Variants in ZFX observed in about 807,000 individuals in gnomAD.
ZFX encodes zinc finger protein X-linked, also known as zinc finger X-chromosomal protein.
For missense variants in ZFX, 362 were observed against 628.3 expected, an observed-to-expected ratio of 0.58 and a Z score of 4.53; for synonymous variants, 196 against 226.8, an observed-to-expected ratio of 0.86 and a Z score of 1.22.
chrX:24,203,493 G>A (rs1490748025), intron 5 of ZFX, among the ~76,000 whole-genome samples: 2 of 112,362 alleles, frequency 1.8e-5, no homozygotes, highest in Non-Finnish European at 1.9e-5. Flanking sequence ...TCCCAGCGCT[G>A]CAGATTCTAA....
chrX:24,208,406 T>C (rs767451372), intron 8 of ZFX, 36 bp downstream of exon 8: 1 of 1,194,148 alleles, frequency 8.4e-7, no homozygotes. Flanking sequence ...TTGAAGAAGT[T>C]GGTTCTTAAA....
At chrX:24,181,472 A>G (rs1469627505) in intron 5 of ZFX, among the ~76,000 whole-genome samples, 1 of 111,828 alleles carries the variant, frequency 8.9e-6, no homozygotes, top group Admixed American at 9.6e-5. Context: ...TACAGGATGA[A>G]GGGCACGGGT....
At chrX:24,175,859 G>A (rs1330816291) in intron 4 of ZFX, among the ~76,000 whole-genome samples, 2 of 110,510 alleles carry the variant, frequency 1.8e-5, no homozygotes, top group Non-Finnish European at 3.8e-5. Context: ...GATTACAGGC[G>A]TGAGCCACCG....
intron 5 of ZFX, among the ~76,000 whole-genome samples, chrX:24,186,271 G>GT (rs1236950500): frequency 9.0e-6 from 1 of 111,161 alleles, no homozygotes; most frequent in East Asian, 2.8e-4. Flanking sequence ...CTTTTACAAT[G>GT]TCTTTAGTAT....
chrX:24,163,220 GGTGTGT>G (rs57212971), intron 3 of ZFX, among the ~76,000 whole-genome samples: 2 of 86,442 alleles, frequency 2.3e-5, no homozygotes, highest in Admixed American at 1.4e-4. Context: ...CAAGGTCTGT[GGTGTGT>G]GTGTGTGTGT....
At position 24,172,820 on chromosome X, in the gene ZFX, TC is replaced by T. The variant is rs1280693833; in HGVS notation, c.58+22del. ...CAACAGGTATAACTACTTGAATTGT[TC>T]CACTTCCCATCTACCAGATTTGGAG... On this transcript the variant is annotated intron_variant, in intron 4 of 9. Transcript: ENST00000304543. The T allele has an allele frequency of 1.7e-6, 2 of 1,180,221 alleles. No individual in the cohort carries two copies. Among genetic ancestry groups the T allele is most frequent in the African/African-American group, 3.5e-5 (2 of 56,680 alleles).
intron 3 of ZFX, among the ~76,000 whole-genome samples, chrX:24,153,361 G>A (rs1264493622): frequency 9.0e-6 from 1 of 110,929 alleles, no homozygotes. Context: ...TCCTTTTGCC[G>A]CAGGGGAGGT....
chrX:24,210,181 T>C lies in ZFX; in HGVS notation c.1235-12T>C. On this transcript the variant is annotated splice_polypyrimidine_tract_variant and intron_variant, in intron 9 of 9. Coordinates refer to ENST00000304543, the MANE Select transcript of ZFX (RefSeq NM_003410.4). The stretch of plus-strand genomic sequence containing the variant: ...GTTTGAGCACTCATACTCCTTTCTT[T>C]TCCTTTTTTAGCAATAATTATTGGC... The C allele has an allele frequency of 8.3e-7, 1 of 1,211,751 alleles. No individual in the cohort carries two copies. Among genetic ancestry groups the C allele is most frequent in the Non-Finnish European group, 1.1e-6 (1 of 895,484 alleles).
chrX:24,171,110 A>G (rs1233817970), intron 3 of ZFX, among the ~76,000 whole-genome samples: 14 of 111,874 alleles, frequency 1.3e-4, no homozygotes, highest in Non-Finnish European at 2.6e-4. Flanking sequence ...GTAATTTAGT[A>G]TCTGTAAGTA....
intron 3 of ZFX, among the ~76,000 whole-genome samples, chrX:24,158,964 CG>C: frequency 9.1e-6 from 1 of 109,944 alleles, no homozygotes; most frequent in Non-Finnish European, 1.9e-5. Context: ...CATCTATTGG[CG>C]TGATGAAGTC....
chrX:24,204,512 A>C (rs149794106), intron 5 of ZFX, among the ~76,000 whole-genome samples: 3 of 112,302 alleles, frequency 2.7e-5, no homozygotes, highest in African/African-American at 9.7e-5. Flanking sequence ...TGAATTTTAA[A>C]AGTTATAGTG....
intron 5 of ZFX, 77 bp from the exon 6 acceptor site, chrX:24,207,245 ATTTT>A (rs78241704): frequency 1.2e-4 from 90 of 757,482 alleles, no homozygotes; most frequent in Middle Eastern, 5.2e-4. Flanking sequence ...AAAAAAAAAA[ATTTT>A]TTTTTTTTTT....
intron 1 of ZFX, chrX:24,150,184 G>T (rs757485638): frequency 0.012 from 1,254 of 101,342 alleles, 12 homozygotes; most frequent in Non-Finnish European, 0.018. Flanking sequence ...ATCGGTGAGG[G>T]GGGGGGAGGG....
At chrX:24,207,930 T>C in intron 7 of ZFX, 75 bp downstream of exon 7, 1 of 1,088,817 alleles carries the variant, frequency 9.2e-7, no homozygotes, top group Non-Finnish European at 1.2e-6. Flanking sequence ...TTGAAATAAG[T>C]AGCATTATTT....
At chrX:24,201,942 C>G (rs780490099) in intron 5 of ZFX, among the ~76,000 whole-genome samples, 2 of 111,729 alleles carry the variant, frequency 1.8e-5, no homozygotes, top group Non-Finnish European at 3.8e-5. Context: ...TCCTGGATCA[C>G]TCATTTTCTC....
chrX:24,191,094 A>G (rs2147838108), intron 5 of ZFX, among the ~76,000 whole-genome samples: 1 of 111,918 alleles, frequency 8.9e-6, no homozygotes, highest in Non-Finnish European at 1.9e-5. Flanking sequence ...ACAGGGTGGG[A>G]TTGTAACAGT....
intron 5 of ZFX, among the ~76,000 whole-genome samples, chrX:24,183,928 TG>T (rs1339170379): frequency 1.8e-5 from 2 of 109,502 alleles, no homozygotes; most frequent in Admixed American, 9.8e-5. Context: ...CTAATTTTTT[TG>T]TATTTTTAGT....
At chrX:24,172,093 T>C (rs1934686986) in intron 3 of ZFX, among the ~76,000 whole-genome samples, 1 of 111,942 alleles carries the variant, frequency 8.9e-6, no homozygotes. Context: ...AAATACACTA[T>C]GGGAATTTAC....
At chrX:24,154,823 G>C (rs1449061635) in intron 3 of ZFX, among the ~76,000 whole-genome samples, 1 of 111,761 alleles carries the variant, frequency 8.9e-6, no homozygotes, top group Non-Finnish European at 1.9e-5. Flanking sequence ...GAACGAGGTC[G>C]TGTCTTTTGC....
Sources: gnomAD v4.1 joint callset for allele counts (sites outside exome capture counted in the v4.1 genomes callset) on GRCh38, gnomAD v4.1.1 for gene constraint, MANE v1.5 for transcripts, NCBI Gene and HGNC (gene_info 2026-07-23, HGNC 2026-07-21) for gene names.